The following HS3ST4 variants were observed in gnomAD, a reference collection of about 807,000 sequenced individuals.
HS3ST4 encodes the protein heparan sulfate-glucosamine 3-sulfotransferase 4, also known as heparan sulfate glucosamine 3-O-sulfotransferase 4.
Under a neutral mutation model 29.2 loss-of-function variants are expected in HS3ST4, and 17 were observed. The ratio of observed to expected loss-of-function variants is 0.58; its 90% confidence interval spans 0.40 to 0.87. The LOEUF is 0.87. HS3ST4 is among the 40% of genes least tolerant of loss of function. The pLI, the probability that HS3ST4 is intolerant of heterozygous loss-of-function variation, is 0.00. For missense variants in HS3ST4, 627 were observed against 634.5 expected (o/e 0.99, Z 0.13); for synonymous variants, 314 against 285.7 (o/e 1.10, Z -1.00).
chr16:25,705,318 G>A (rs1239443503), intron 1 of HS3ST4, among the ~76,000 whole-genome samples: 3 of 152,238 alleles, frequency 2.0e-5, no homozygotes, highest in South Asian at 4.1e-4. Context: ...GTCAAACTAC[G>A]TGGGCACCTC....
At chr16:25,752,868 G>C (rs140825650) in intron 1 of HS3ST4, among the ~76,000 whole-genome samples, 1 of 152,192 alleles carries the variant, frequency 6.6e-6, no homozygotes, top group Non-Finnish European at 1.5e-5. Context: ...TACAGATAGA[G>C]TTTTTCTCAT....
chr16:25,969,478 G>A (rs1463899793), intron 1 of HS3ST4, among the ~76,000 whole-genome samples: 1 of 152,228 alleles, frequency 6.6e-6, no homozygotes, highest in Non-Finnish European at 1.5e-5. Context: ...ACAGTCTGAA[G>A]TGTGCGTATA....
intron 1 of HS3ST4, among the ~76,000 whole-genome samples, chr16:25,731,905 C>G (rs1966572034): frequency 6.6e-6 from 1 of 152,220 alleles, no homozygotes; most frequent in African/African-American, 2.4e-5. Context: ...GCTTTTCTCT[C>G]TTTGCTACCC....
chr16:26,115,349 T>A (rs1899188510), intron 1 of HS3ST4, among the ~76,000 whole-genome samples: 1 of 151,386 alleles, frequency 6.6e-6, no homozygotes, highest in South Asian at 2.1e-4. Context: ...GGTTTTTCCT[T>A]TGGGTAGCAT....
chr16:26,135,821 C>T lies in HS3ST4; in HGVS notation c.944C>T (p.Ala315Val). ...GAGATCCCCACCTTTGAGGTGCTGG[C>T]CTTCAAAAACCGGACCCTCGGGCTG... ...KPEIPTFEVLAFKNRTLGLID... is the reference protein window; with the variant it reads ...KPEIPTFEVLVFKNRTLGLID... The change falls in exon 2 of 2, where the codon GCC becomes GTC. Residue 315 changes from alanine to valine, a missense_variant. Around this residue, in one of 2 missense-constraint regions of HS3ST4, gnomAD observed 225 missense variants for 293.7 expected, o/e 0.77. Transcript: ENST00000331351. 6.2e-7 allele frequency: 1 copy of T among 1,614,008 alleles called. No individual in the cohort carries two copies. Among genetic ancestry groups the T allele is most frequent in the Non-Finnish European group, 8.5e-7 (1 of 1,179,900 alleles).
chr16:25,774,555 T>G (rs1966845775), intron 1 of HS3ST4, among the ~76,000 whole-genome samples: 1 of 152,202 alleles, frequency 6.6e-6, no homozygotes, highest in Admixed American at 6.5e-5. Flanking sequence ...CTCTGTTGCT[T>G]ATGAACTGTG....
At chr16:26,047,940 A>G (rs1898289726) in intron 1 of HS3ST4, among the ~76,000 whole-genome samples, 1 of 152,168 alleles carries the variant, frequency 6.6e-6, no homozygotes, top group African/African-American at 2.4e-5. Context: ...ACTCAGAGCA[A>G]TGCTTGAGGA....
intron 1 of HS3ST4, among the ~76,000 whole-genome samples, chr16:25,828,340 T>TC (rs1967257357): frequency 1.7e-4 from 11 of 64,050 alleles, no homozygotes; most frequent in East Asian, 1.3e-3. Flanking sequence ...CTCTCTCTCT[T>TC]TCTCCCTTTC....
At chr16:25,767,912 A>G (rs1966831418) in intron 1 of HS3ST4, among the ~76,000 whole-genome samples, 1 of 152,202 alleles carries the variant, frequency 6.6e-6, no homozygotes, top group African/African-American at 2.4e-5. Flanking sequence ...CATTCCTAAT[A>G]TGCTGTGTCC....
intron 1 of HS3ST4, among the ~76,000 whole-genome samples, chr16:26,078,303 G>T (rs1898689300): frequency 1.3e-5 from 2 of 152,056 alleles, no homozygotes; most frequent in Admixed American, 1.3e-4. Flanking sequence ...ACCACATCCA[G>T]ATAGTTTTTT....
chr16:25,983,807 C>T (rs1278373824), intron 1 of HS3ST4, among the ~76,000 whole-genome samples: 1 of 152,204 alleles, frequency 6.6e-6, no homozygotes, highest in Non-Finnish European at 1.5e-5. Flanking sequence ...CATGGACTCA[C>T]ACAGATAGTA....
At chr16:25,791,016 T>C (rs1365771688) in intron 1 of HS3ST4, among the ~76,000 whole-genome samples, 1 of 152,172 alleles carries the variant, frequency 6.6e-6, no homozygotes, top group Non-Finnish European at 1.5e-5. Context: ...AAAAGTTTAT[T>C]CTGTATTTTT....
intron 1 of HS3ST4, among the ~76,000 whole-genome samples, chr16:26,107,488 C>T (rs1001705011): frequency 6.6e-6 from 1 of 152,128 alleles, no homozygotes; most frequent in Non-Finnish European, 1.5e-5. Context: ...GTGCACCTGT[C>T]ACTGGAGTAG....
chr16:25,820,872 A>C (rs1460998657), intron 1 of HS3ST4, among the ~76,000 whole-genome samples: 1 of 151,832 alleles, frequency 6.6e-6, no homozygotes, highest in African/African-American at 2.4e-5. Flanking sequence ...CCCCTGGCCT[A>C]CTATTTTTTT....
chr16:25,955,019 A>G (rs1376058201), intron 1 of HS3ST4, among the ~76,000 whole-genome samples: 2 of 152,166 alleles, frequency 1.3e-5, no homozygotes, highest in Non-Finnish European at 2.9e-5. Context: ...TTTCACCTAG[A>G]AGCTCTGTAA....
chr16:26,121,512 G>A (rs1176615594), intron 1 of HS3ST4, among the ~76,000 whole-genome samples: 1 of 152,150 alleles, frequency 6.6e-6, no homozygotes, highest in Non-Finnish European at 1.5e-5. Context: ...CCCATAGAAG[G>A]GTGACAGAAT....
At chr16:25,816,239 A>T (rs1567246096) in intron 1 of HS3ST4, among the ~76,000 whole-genome samples, 2 of 152,074 alleles carry the variant, frequency 1.3e-5, no homozygotes, top group Non-Finnish European at 2.9e-5. Context: ...CTCTAATTTT[A>T]GCATACCTTG....
intron 1 of HS3ST4, among the ~76,000 whole-genome samples, chr16:26,008,646 C>T (rs1270719602): frequency 6.6e-6 from 1 of 152,100 alleles, no homozygotes; most frequent in East Asian, 1.9e-4. Context: ...TGGTGAAAGC[C>T]TGTCTCTACT....
At chr16:25,869,069 G>C (rs1188310738) in intron 1 of HS3ST4, among the ~76,000 whole-genome samples, 1 of 152,112 alleles carries the variant, frequency 6.6e-6, no homozygotes, top group Admixed American at 6.6e-5. Flanking sequence ...ATGTAAGAAT[G>C]ATAGCAGTAA....
Sources: allele counts gnomAD v4.1 joint callset (sites outside exome capture counted in the v4.1 genomes callset), GRCh38; gene constraint gnomAD v4.1.1; regional missense constraint gnomAD v4.1.1; transcripts MANE v1.5; gene names NCBI Gene and HGNC (gene_info 2026-07-23, HGNC 2026-07-21).